The following RBFOX1 variants were observed in gnomAD, a reference collection of about 807,000 sequenced individuals.
RBFOX1 encodes RNA binding fox-1 homolog 1, also known as RNA binding protein fox-1 homolog 1.
Under a neutral mutation model 57.7 loss-of-function variants are expected in RBFOX1, and 8 were observed. The observed-to-expected ratio is 0.14, with a 90% CI of 0.08 to 0.25. The LOEUF is 0.25. Among genes scored for constraint, RBFOX1 ranks in the 10% least tolerant of loss-of-function variants. The pLI is 1.00. For synonymous variants in RBFOX1, 326 were observed against 222.4 expected (o/e 1.47, Z -4.15); for missense variants, 611 against 548.5 (o/e 1.11, Z -1.14).
At chr16:6,813,819 G>A (rs1440970318) in intron 3 of RBFOX1, among the ~76,000 whole-genome samples, 2 of 152,180 alleles carry the variant, frequency 1.3e-5, no homozygotes, top group African/African-American at 2.4e-5. Context: ...AGTGAAGGGA[G>A]GAGGCGCTGT....
intron 4 of RBFOX1, among the ~76,000 whole-genome samples, chr16:7,367,227 C>T (rs376235903): frequency 4.6e-5 from 7 of 152,208 alleles, no homozygotes; most frequent in South Asian, 4.2e-4. Flanking sequence ...TTTGCAAAGA[C>T]GAGACTGTAA....
At chr16:6,256,210 T>C (rs1458308114) in intron 1 of RBFOX1, among the ~76,000 whole-genome samples, 2 of 59,354 alleles carry the variant, frequency 3.4e-5, no homozygotes, top group East Asian at 4.6e-4. Context: ...TATGTATATG[T>C]GTATATATAT....
At chr16:6,199,096 G>A (rs891433595) in intron 1 of RBFOX1, among the ~76,000 whole-genome samples, 12 of 151,698 alleles carry the variant, frequency 7.9e-5, no homozygotes, top group South Asian at 2.1e-4. Flanking sequence ...TCTATGCTCC[G>A]TTCCATTTTC....
chr16:7,703,571 T>C (rs2081457810), intron 14 of RBFOX1, among the ~76,000 whole-genome samples: 1 of 152,214 alleles, frequency 6.6e-6, no homozygotes, highest in South Asian at 2.1e-4. Context: ...GTTCTTACTG[T>C]GGCCCTATAA....
At chr16:6,589,537 C>T (rs1027243995) in intron 2 of RBFOX1, among the ~76,000 whole-genome samples, 4 of 152,198 alleles carry the variant, frequency 2.6e-5, no homozygotes, top group Non-Finnish European at 4.4e-5. Context: ...AGTGCAGAGT[C>T]TGCAAAATAT....
At chr16:7,226,638 T>C (rs1030333048) in intron 4 of RBFOX1, among the ~76,000 whole-genome samples, 1 of 152,204 alleles carries the variant, frequency 6.6e-6, no homozygotes, top group African/African-American at 2.4e-5. Flanking sequence ...AAGTTTTATA[T>C]TCAAACAACT....
intron 3 of RBFOX1, among the ~76,000 whole-genome samples, chr16:6,834,142 C>T (rs771535096): frequency 3.3e-5 from 5 of 151,926 alleles, no homozygotes; most frequent in Non-Finnish European, 4.4e-5. Context: ...TCATCCCACT[C>T]GGCTCACCAC....
intron 2 of RBFOX1, among the ~76,000 whole-genome samples, chr16:6,497,574 AAAAC>A (rs2095806107): frequency 6.9e-6 from 1 of 145,244 alleles, no homozygotes; most frequent in East Asian, 2.0e-4. Context: ...AAAAAAAAAA[AAAAC>A]AGAGTTTTGC....
intron 3 of RBFOX1, among the ~76,000 whole-genome samples, chr16:5,745,080 C>G (rs1567480809): frequency 6.6e-6 from 1 of 152,176 alleles, no homozygotes; most frequent in Non-Finnish European, 1.5e-5. Flanking sequence ...TCTCCCAGTG[C>G]TATCCCTCCC....
intron 2 of RBFOX1, among the ~76,000 whole-genome samples, chr16:5,553,091 T>G (rs1434353679): frequency 6.6e-6 from 1 of 152,006 alleles, no homozygotes; most frequent in African/African-American, 2.4e-5. Context: ...ATGAGATCAC[T>G]TGGACACAGG....
rs183238536 is a variant in RBFOX1 at position 6,924,257 on chromosome 16, C to G, written c.-15-127800C>G. On this transcript the variant is annotated intron_variant, in intron 3 of 15. Coordinates refer to ENST00000550418, the MANE Select transcript of RBFOX1 (RefSeq NM_018723.4). ...AAAGAGGTTTATTTGACTCACAGTT[C>G]TGCTGGCTGTGCAGTTATGGCTCCA... 2.0e-5 allele frequency among the ~76,000 whole-genome samples: 3 copies of G among 152,198 alleles called. No individual in the cohort carries two copies. The East Asian group carries it at 5.8e-4, about 29-fold the overall frequency.
At chr16:7,580,428 C>T (rs1044148609) in intron 6 of RBFOX1, among the ~76,000 whole-genome samples, 1 of 152,148 alleles carries the variant, frequency 6.6e-6, no homozygotes, top group Non-Finnish European at 1.5e-5. Context: ...CTGATTTTAG[C>T]AAACAAAACA....
intron 1 of RBFOX1, among the ~76,000 whole-genome samples, chr16:6,242,833 C>G (rs1018857130): frequency 3.9e-5 from 6 of 152,040 alleles, no homozygotes; most frequent in Non-Finnish European, 7.4e-5. Flanking sequence ...AATTCTGACC[C>G]TATGCCTTTA....
intron 3 of RBFOX1, among the ~76,000 whole-genome samples, chr16:6,731,600 C>T (rs539007373): frequency 1.3e-5 from 2 of 152,164 alleles, no homozygotes; most frequent in South Asian, 4.2e-4. Flanking sequence ...AGGGAATAGC[C>T]CTTAACTAAT....
intron 4 of RBFOX1, among the ~76,000 whole-genome samples, chr16:7,342,175 T>C (rs1026040183): frequency 2.0e-4 from 30 of 152,146 alleles, no homozygotes; most frequent in African/African-American, 7.2e-4. Flanking sequence ...TTACTCTTGG[T>C]AAGTTGCTTG....
At chr16:5,544,951 C>CTTTTTTTTTTTTTTTTTTTTTT (rs59873374) in intron 2 of RBFOX1, among the ~76,000 whole-genome samples, 3 of 124,358 alleles carry the variant, frequency 2.4e-5, no homozygotes, top group African/African-American at 3.5e-5. Flanking sequence ...CTATTACATT[C>CTTTTTTTTTTTTTTTTTTTTTT]TTTTTTTTTT....
chr16:6,932,782 C>G (rs993086949), intron 3 of RBFOX1, among the ~76,000 whole-genome samples: 1 of 152,168 alleles, frequency 6.6e-6, no homozygotes, highest in Non-Finnish European at 1.5e-5. Context: ...TTTTATTGCA[C>G]AGTTTGGAGG....
intron 3 of RBFOX1, among the ~76,000 whole-genome samples, chr16:5,847,584 A>C (rs537059389): frequency 6.6e-6 from 1 of 152,292 alleles, no homozygotes; most frequent in South Asian, 2.1e-4. Flanking sequence ...CTGGAGAGCA[A>C]CATGGTTATG....
intron 4 of RBFOX1, among the ~76,000 whole-genome samples, chr16:7,165,643 G>T (rs1176886209): frequency 6.6e-6 from 1 of 151,628 alleles, no homozygotes; most frequent in African/African-American, 2.4e-5. Context: ...TGGTCAGGCT[G>T]GTCTCAAACT....
Sources: allele counts gnomAD v4.1 joint callset (sites outside exome capture counted in the v4.1 genomes callset), GRCh38; gene constraint gnomAD v4.1.1; transcripts MANE v1.5; gene names NCBI Gene and HGNC (gene_info 2026-07-23, HGNC 2026-07-21).